Variants in PDHX observed in about 807,000 individuals in gnomAD.
PDHX encodes pyruvate dehydrogenase complex component X, also known as pyruvate dehydrogenase protein X component, mitochondrial.
Under a neutral mutation model 55.3 loss-of-function variants are expected in PDHX, and 33 were observed. That is an observed-to-expected ratio of 0.60 (90% CI 0.45 to 0.80). The LOEUF (loss-of-function observed/expected upper bound fraction) is 0.80, where lower values mean the gene tolerates loss of function less well. Among genes scored for constraint, PDHX ranks in the 30% least tolerant of loss-of-function variants. The pLI, the probability that PDHX is intolerant of heterozygous loss-of-function variation, is 0.00. For synonymous variants in PDHX, 226 were observed against 219.4 expected (o/e 1.03, Z -0.27); for missense variants, 622 against 619.9 (o/e 1.00, Z -0.04).
Position 34,995,293 on chromosome 11 carries a change from T to G in PDHX, c.*121T>G. 8.8e-7 allele frequency: 1 copy of G among 1,141,772 alleles called. No homozygotes were observed. The highest frequency in any genetic ancestry group is 1.3e-6 in the Non-Finnish European group (1 of 762,930). The allele number at this position is 1,141,772 out of a possible 1,614,324, so 70.7% of individuals were successfully genotyped here. A position where few individuals can be genotyped will look rare whatever the true frequency, so the allele number is the denominator to read the frequency against. On this transcript the variant is annotated 3_prime_UTR_variant, in exon 11 of 11. Coordinates refer to ENST00000227868, the MANE Select transcript of PDHX (RefSeq NM_003477.3). ...GAAGTGGATGAAATGTTTATTTATT[T>G]AAGGTGAAAGCATTTGACCCAGGGT...
intron 1 of PDHX, among the ~76,000 whole-genome samples, chr11:34,924,116 C>T (rs1365826382): frequency 6.6e-6 from 1 of 152,224 alleles, no homozygotes; most frequent in Admixed American, 6.5e-5. Context: ...TATTGTGATA[C>T]ATCTAGCCAG....
chr11:34,971,986 G>T (rs1374269455), intron 7 of PDHX, among the ~76,000 whole-genome samples: 1 of 151,710 alleles, frequency 6.6e-6, no homozygotes, highest in East Asian at 1.9e-4. Context: ...CAAGAAATTT[G>T]TGTCATCTAA....
intron 4 of PDHX, among the ~76,000 whole-genome samples, chr11:34,959,947 A>G (rs1277440599): frequency 6.6e-6 from 1 of 152,206 alleles, no homozygotes; most frequent in African/African-American, 2.4e-5. Flanking sequence ...ATTTGGAAAG[A>G]TGAACATTTC....
At chr11:34,977,849 T>A in intron 7 of PDHX, 1 of 510,468 alleles carries the variant, frequency 2.0e-6, no homozygotes, top group South Asian at 1.5e-5. Context: ...TAATGGGTCC[T>A]TCAGGTTCTT....
At chr11:34,932,915 T>C (rs1854213293) in intron 2 of PDHX, among the ~76,000 whole-genome samples, 1 of 152,178 alleles carries the variant, frequency 6.6e-6, no homozygotes, top group African/African-American at 2.4e-5. Flanking sequence ...GAGGAATATC[T>C]CTTTATACTG....
intron 5 of PDHX, among the ~76,000 whole-genome samples, chr11:34,962,426 T>C (rs1451466764): frequency 6.6e-6 from 1 of 152,158 alleles, no homozygotes; most frequent in African/African-American, 2.4e-5. Context: ...GTGATGATAG[T>C]TTGGTCTCCA....
intron 9 of PDHX, among the ~76,000 whole-genome samples, chr11:34,987,214 C>T (rs1221691598): frequency 6.6e-6 from 1 of 152,092 alleles, no homozygotes; most frequent in Non-Finnish European, 1.5e-5. Context: ...GTCTTTTTCT[C>T]CCGCAAAGTT....
chr11:34,949,428 G>A (rs551027652), intron 3 of PDHX, among the ~76,000 whole-genome samples: 1 of 148,780 alleles, frequency 6.7e-6, no homozygotes, highest in Admixed American at 6.6e-5. Flanking sequence ...TAGTAGAGAC[G>A]GGTTTCTCCA....
At position 34,984,443 on chromosome 11, in the gene PDHX, A is replaced by G. The variant is rs1360639870; in HGVS notation, c.1024-127A>G. On this transcript the variant is annotated intron_variant, in intron 8 of 10. Transcript: ENST00000227868. ...GAACTCCATACCATTTTTTCAAACG[A>G]AATTTTTATTTATTTTCTCTTATCT... The G allele has an allele frequency of 7.6e-6, 6 of 786,854 alleles. No individual in the cohort carries two copies. In the East Asian group the frequency reaches 8.0e-5, roughly 11 times the overall value. The allele number at this position is 786,854 out of a possible 1,614,324, so 48.7% of individuals were successfully genotyped here. A position where few individuals can be genotyped will look rare whatever the true frequency, so the allele number is the denominator to read the frequency against.
intron 2 of PDHX, among the ~76,000 whole-genome samples, chr11:34,946,179 C>G (rs192337627): frequency 6.6e-6 from 1 of 152,230 alleles, no homozygotes; most frequent in South Asian, 2.1e-4. Flanking sequence ...TTCATACCTT[C>G]ACTATTCCCT....
At chr11:34,942,485 A>G (rs1386885780) in intron 2 of PDHX, among the ~76,000 whole-genome samples, 1 of 152,208 alleles carries the variant, frequency 6.6e-6, no homozygotes, top group Non-Finnish European at 1.5e-5. Flanking sequence ...CAAGATCACT[A>G]GTAACTGTCA....
intron 8 of PDHX, among the ~76,000 whole-genome samples, chr11:34,980,255 G>A (rs1343741706): frequency 7.1e-6 from 1 of 141,040 alleles, no homozygotes; most frequent in Admixed American, 7.0e-5. Context: ...GTATTGTTTT[G>A]TTATGTATTT....
At chr11:34,945,685 C>T (rs1356367346) in intron 2 of PDHX, among the ~76,000 whole-genome samples, 2 of 152,094 alleles carry the variant, frequency 1.3e-5, no homozygotes, top group Admixed American at 1.3e-4. Flanking sequence ...GGTTTCTTTA[C>T]ATTGTATCTA....
chr11:34,992,338 T>C lies in PDHX; in HGVS notation c.1206T>C (p.Asp402=), dbSNP rs1855773226. 6.2e-7 allele frequency: 1 copy of C among 1,603,758 alleles called. No individual in the cohort carries two copies. The highest frequency in any genetic ancestry group is 8.5e-7 in the Non-Finnish European group (1 of 1,171,270). Residue 402 remains aspartate, a synonymous_variant, in exon 10 of 11, where the codon GAT becomes GAC. Transcript: ENST00000227868. ...AGGCTCTATCAAAGAAAGCAAGAGA[T>C]GGAAAATTGTTGCCTGAAGAATACC... ...SVKALSKKAR[D]GKLLPEEYQG...
At chr11:34,976,365 T>G (rs553101355) in intron 7 of PDHX, among the ~76,000 whole-genome samples, 2 of 152,290 alleles carry the variant, frequency 1.3e-5, no homozygotes, top group South Asian at 4.1e-4. Flanking sequence ...TAACAGCATC[T>G]CCTTTCAATA....
At chr11:34,947,126 C>G (rs991162277) in intron 2 of PDHX, among the ~76,000 whole-genome samples, 3 of 152,134 alleles carry the variant, frequency 2.0e-5, no homozygotes, top group Admixed American at 6.5e-5. Context: ...AACTTTTCTT[C>G]AGGGAATATA....
chr11:34,916,211 G>A (rs759895240), upstream of PDHX: 4 of 1,606,752 alleles, frequency 2.5e-6, no homozygotes, highest in Non-Finnish European at 3.4e-6. Context: ...ACCGGGCACC[G>A]GTGGCCCCGC....
chr11:34,966,711 C>A lies in PDHX; in HGVS notation c.713C>A (p.Thr238Lys), dbSNP rs1057254984. The change falls in exon 6 of 11, where the codon ACA becomes AAA. Residue 238 changes from threonine (T) to lysine (K), a missense_variant. Coordinates refer to ENST00000227868, the MANE Select transcript of PDHX (RefSeq NM_003477.3). Reference sequence around the variant, plus strand: ...GAGTCCAGACCAACTCCAGCCCCCACAGCCACTCCCACAGCACCTTCGCCC... The same window carrying A: ...GAGTCCAGACCAACTCCAGCCCCCAAAGCCACTCCCACAGCACCTTCGCCC... ...ITESRPTPAPTATPTAPSPLQ... is the reference protein window; with the variant it reads ...ITESRPTPAPKATPTAPSPLQ... 6.2e-7 allele frequency: 1 copy of A among 1,614,040 alleles called. No homozygotes were observed. The highest frequency in any genetic ancestry group is 1.3e-5 in the African/African-American group (1 of 74,940).
At chr11:34,955,790 T>C (rs1242352836) in intron 3 of PDHX, among the ~76,000 whole-genome samples, 2 of 133,664 alleles carry the variant, frequency 1.5e-5, no homozygotes, top group East Asian at 4.7e-4. Flanking sequence ...TAGAAATCTA[T>C]TGATATTTTT....
Sources: allele counts gnomAD v4.1 joint callset (sites outside exome capture counted in the v4.1 genomes callset), GRCh38; gene constraint gnomAD v4.1.1; transcripts MANE v1.5; gene names NCBI Gene and HGNC (gene_info 2026-07-23, HGNC 2026-07-21).